The following MOXD1 variants were observed in gnomAD, a reference collection of about 807,000 sequenced individuals.
The protein encoded by MOXD1 is DBH-like monooxygenase protein 1.
Under a neutral mutation model 66.6 loss-of-function variants are expected in MOXD1, and 62 were observed. The ratio of observed to expected loss-of-function variants is 0.93; its 90% confidence interval spans 0.76 to 1.15. MOXD1 has a LOEUF of 1.15. MOXD1 is among the 50% of genes most tolerant of loss of function. The probability of loss-of-function intolerance (pLI) is 0.00; values close to 1 mark genes in which losing one functional copy is unlikely to be tolerated. For synonymous variants in MOXD1, 303 were observed against 281.9 expected (o/e 1.07, Z -0.75); for missense variants, 847 against 754.6 (o/e 1.12, Z -1.44).
chr6:132,381,906 A>T (rs1441251851), intron 1 of MOXD1, among the ~76,000 whole-genome samples: 1 of 152,152 alleles, frequency 6.6e-6, no homozygotes, highest in Non-Finnish European at 1.5e-5. Flanking sequence ...CTTTAGAATT[A>T]GAACCAAATG....
At chr6:132,390,614 T>C (rs1035396500) in intron 1 of MOXD1, 7 of 151,626 alleles carry the variant, frequency 4.6e-5, no homozygotes, top group African/African-American at 1.7e-4. Flanking sequence ...TCAGTGAATA[T>C]TCAGTAAATG....
intron 10 of MOXD1, among the ~76,000 whole-genome samples, chr6:132,311,317 C>A (rs1199479523): frequency 2.0e-5 from 3 of 151,912 alleles, no homozygotes; most frequent in African/African-American, 7.3e-5. Flanking sequence ...TTAGGGTTAT[C>A]ATTGAATTGA....
At chr6:132,323,800 T>G in intron 7 of MOXD1, 131 bp downstream of exon 7, 1 of 979,398 alleles carries the variant, frequency 1.0e-6, no homozygotes, top group Non-Finnish European at 1.4e-6. Context: ...CTACTAAAAT[T>G]GCGATAAGGG....
intron 10 of MOXD1, among the ~76,000 whole-genome samples, chr6:132,311,892 A>G (rs1774838594): frequency 6.6e-6 from 1 of 152,134 alleles, no homozygotes; most frequent in Non-Finnish European, 1.5e-5. Context: ...ACTCTTTATA[A>G]TAAGCACGTG....
intron 4 of MOXD1, among the ~76,000 whole-genome samples, chr6:132,340,791 C>T (rs1775541729): frequency 6.6e-6 from 1 of 151,662 alleles, no homozygotes; most frequent in Non-Finnish European, 1.5e-5. Context: ...GGACTACAGG[C>T]GCCCGCCACC....
chr6:132,356,242 A>G (rs1775908057), intron 4 of MOXD1, among the ~76,000 whole-genome samples: 1 of 152,236 alleles, frequency 6.6e-6, no homozygotes, highest in African/African-American at 2.4e-5. Flanking sequence ...AATGTTTTAA[A>G]AAGAAATCGG....
chr6:132,331,637 C>T (rs1408697893), intron 4 of MOXD1, among the ~76,000 whole-genome samples: 1 of 152,134 alleles, frequency 6.6e-6, no homozygotes, highest in Non-Finnish European at 1.5e-5. Flanking sequence ...CTATGTATTT[C>T]ATTTAATATT....
intron 10 of MOXD1, among the ~76,000 whole-genome samples, chr6:132,314,034 A>T (rs1774888709): frequency 6.6e-6 from 1 of 152,224 alleles, no homozygotes; most frequent in African/African-American, 2.4e-5. Flanking sequence ...TCTTCTCTAT[A>T]TTAAAACAAA....
In MOXD1 at chr6:132,392,162, C is replaced by A. The variant is rs2114694579; in HGVS notation, c.264+9001G>T. ...GTGCTTAAAAGAAGCACATCGTTAA[C>A]CACAAAGAATGCTCACTGTTTTCTG... On this transcript the variant is annotated intron_variant, in intron 1 of 11. Transcript: ENST00000367963. The A allele has an allele frequency of 7.1e-6, 11 of 1,540,070 alleles. No individual in the cohort carries two copies. In the Middle Eastern group the frequency reaches 6.8e-4, roughly 95 times the overall value.
intron 1 of MOXD1, among the ~76,000 whole-genome samples, chr6:132,388,695 T>C (rs1418272289): frequency 6.6e-6 from 1 of 151,362 alleles, no homozygotes; most frequent in African/African-American, 2.4e-5. Context: ...TTTTTCAGAA[T>C]AAAAAGGGGG....
chr6:132,348,298 AACC>A (rs2114619160), intron 4 of MOXD1, among the ~76,000 whole-genome samples: 1 of 152,352 alleles, frequency 6.6e-6, no homozygotes, highest in Admixed American at 6.5e-5. Context: ...TTCATATAAC[AACC>A]ACCCAGGATT....
chr6:132,303,448 G>A (rs1774586779), intron 10 of MOXD1, among the ~76,000 whole-genome samples: 1 of 151,938 alleles, frequency 6.6e-6, no homozygotes, highest in South Asian at 2.1e-4. Context: ...ATAAAATGGT[G>A]TAGTAGTTAC....
intron 10 of MOXD1, among the ~76,000 whole-genome samples, chr6:132,307,580 C>T (rs1774723550): frequency 6.6e-6 from 1 of 152,192 alleles, no homozygotes; most frequent in Non-Finnish European, 1.5e-5. Flanking sequence ...TTCTCAGTGC[C>T]ACATGGCACT....
At chr6:132,324,496 A>G (rs541051742) in intron 6 of MOXD1, among the ~76,000 whole-genome samples, 6 of 152,260 alleles carry the variant, frequency 3.9e-5, no homozygotes, top group Admixed American at 1.3e-4. Context: ...ATGAAGTTCA[A>G]TAACATTTAC....
rs1465524802 is a variant in MOXD1 at position 132,401,368 on chromosome 6, C to G, written c.59G>C (p.Gly20Ala). Residue 20 changes from glycine to alanine, a missense_variant, in exon 1 of 12, where the codon GGC becomes GCC. Gly to Ala is a moderately conservative substitution (Grantham distance 60). Transcript: ENST00000367963. ...WGLLPGTAAG[G>A]SGRTYPHRTL... ...CCGGTGCGGATAGGTTCGGCCCGAG[C>G]CCCCCGCCGCCGTCCCGGGGAGCAG... 6 of 1,545,942 alleles carry G rather than the reference C, an allele frequency of 3.9e-6. No homozygotes were observed. Among genetic ancestry groups the G allele is most frequent in the Non-Finnish European group, 5.2e-6 (6 of 1,152,080 alleles).
chr6:132,340,807 C>A (rs562876573), intron 4 of MOXD1, among the ~76,000 whole-genome samples: 2 of 151,978 alleles, frequency 1.3e-5, no homozygotes, highest in Non-Finnish European at 2.9e-5. Flanking sequence ...CCACCGCGCC[C>A]GGCTAATTTT....
intron 9 of MOXD1, among the ~76,000 whole-genome samples, chr6:132,320,083 A>G (rs1775045139): frequency 6.6e-6 from 1 of 152,102 alleles, no homozygotes; most frequent in South Asian, 2.1e-4. Context: ...ATCCTTGTGA[A>G]GTTTTAGTTT....
At chr6:132,351,314 C>T (rs1288547233) in intron 4 of MOXD1, among the ~76,000 whole-genome samples, 1 of 152,020 alleles carries the variant, frequency 6.6e-6, no homozygotes, top group African/African-American at 2.4e-5. Flanking sequence ...AGGTATGTTC[C>T]TTGTATGCCG....
At chr6:132,318,949 A>G (rs528537591) in intron 9 of MOXD1, among the ~76,000 whole-genome samples, 1 of 152,156 alleles carries the variant, frequency 6.6e-6, no homozygotes, top group East Asian at 1.9e-4. Context: ...TGCTATGTCT[A>G]TCATAAACCA....
Sources: allele counts gnomAD v4.1 joint callset (sites outside exome capture counted in the v4.1 genomes callset), GRCh38; gene constraint gnomAD v4.1.1; transcripts MANE v1.5; gene names NCBI Gene and HGNC (gene_info 2026-07-23, HGNC 2026-07-21).